Variants in MACROD2 observed in about 807,000 individuals in gnomAD.
The protein encoded by MACROD2 is ADP-ribose glycohydrolase MACROD2.
In MACROD2, 36 loss-of-function variants were observed where a neutral mutation model predicts 70.4. The ratio of observed to expected loss-of-function variants is 0.51; its 90% confidence interval spans 0.39 to 0.68. The LOEUF (loss-of-function observed/expected upper bound fraction) is 0.68. Among genes scored for constraint, MACROD2 ranks in the 30% least tolerant of loss-of-function variants. MACROD2 has a pLI of 0.00. For synonymous variants in MACROD2, 172 were observed against 178.8 expected, an observed-to-expected ratio of 0.96 and a Z score of 0.30; for missense variants, 496 against 538.4, an observed-to-expected ratio of 0.92 and a Z score of 0.78.
intron 5 of MACROD2, among the ~76,000 whole-genome samples, chr20:15,199,964 A>T (rs1164971318): frequency 1.3e-5 from 2 of 152,222 alleles, no homozygotes; most frequent in African/African-American, 4.8e-5. Context: ...AGTTCTGAAG[A>T]TGTCATTCAT....
intron 5 of MACROD2, among the ~76,000 whole-genome samples, chr20:14,906,920 T>A (rs1469734672): frequency 2.0e-5 from 3 of 152,128 alleles, no homozygotes; most frequent in East Asian, 3.9e-4. Flanking sequence ...GACTTTACCA[T>A]TGAAAAGTCC....
chr20:15,234,540 C>T (rs979001260), intron 6 of MACROD2, among the ~76,000 whole-genome samples: 2 of 152,058 alleles, frequency 1.3e-5, no homozygotes, highest in Non-Finnish European at 2.9e-5. Context: ...AAAAAAGACC[C>T]AGGTTGAATC....
intron 5 of MACROD2, among the ~76,000 whole-genome samples, chr20:15,179,421 C>T (rs965287558): frequency 6.6e-6 from 1 of 152,138 alleles, no homozygotes; most frequent in African/African-American, 2.4e-5. Context: ...CACCCTCTCC[C>T]GGAGGAGTGT....
chr20:15,333,795 A>G (rs1489572506), intron 6 of MACROD2, among the ~76,000 whole-genome samples: 1 of 151,634 alleles, frequency 6.6e-6, no homozygotes, highest in Non-Finnish European at 1.5e-5. Context: ...AGTATATTCT[A>G]TTAATTGTGT....
At chr20:15,378,742 C>T (rs751392476) in intron 6 of MACROD2, among the ~76,000 whole-genome samples, 1 of 151,986 alleles carries the variant, frequency 6.6e-6, no homozygotes, top group Non-Finnish European at 1.5e-5. Context: ...ATATGTGAAA[C>T]TTTAGTGCAA....
chr20:15,675,555 A>G (rs6043427), intron 8 of MACROD2, among the ~76,000 whole-genome samples: 1 of 152,168 alleles, frequency 6.6e-6, no homozygotes, highest in African/African-American at 2.4e-5. Context: ...AGCGCTGGCA[A>G]CCCTTTTAAA....
intron 6 of MACROD2, among the ~76,000 whole-genome samples, chr20:15,307,649 T>A (rs967933484): frequency 6.6e-6 from 1 of 152,200 alleles, no homozygotes. Flanking sequence ...TAACTGTAGT[T>A]TAATTATTAA....
At chr20:14,418,440 G>C (rs1268618327) in intron 3 of MACROD2, among the ~76,000 whole-genome samples, 2 of 152,154 alleles carry the variant, frequency 1.3e-5, no homozygotes, top group Non-Finnish European at 2.9e-5. Context: ...ATTTGACAAA[G>C]ATCTTAGAAT....
intron 8 of MACROD2, among the ~76,000 whole-genome samples, chr20:15,834,354 A>G (rs1051499097): frequency 6.6e-6 from 1 of 152,128 alleles, no homozygotes; most frequent in African/African-American, 2.4e-5. Flanking sequence ...AAAACAAAAC[A>G]AAATAAAATA....
At chr20:14,881,413 G>A (rs967666215) in intron 5 of MACROD2, among the ~76,000 whole-genome samples, 4 of 151,782 alleles carry the variant, frequency 2.6e-5, no homozygotes, top group African/African-American at 7.3e-5. Context: ...TACTGACAAG[G>A]CACTTGACTT....
chr20:15,935,421 T>A (rs1203252882), intron 11 of MACROD2, among the ~76,000 whole-genome samples: 1 of 152,198 alleles, frequency 6.6e-6, no homozygotes, highest in Non-Finnish European at 1.5e-5. Context: ...TTTCTTATCC[T>A]CCCTAATCAG....
intron 6 of MACROD2, among the ~76,000 whole-genome samples, chr20:15,380,682 G>A (rs952044354): frequency 2.0e-5 from 3 of 152,102 alleles, no homozygotes; most frequent in East Asian, 1.9e-4. Context: ...TATTGTGCAC[G>A]AAATTAGCCA....
At chr20:14,865,348 C>T (rs117493239) in intron 5 of MACROD2, among the ~76,000 whole-genome samples, 2,634 of 152,140 alleles carry the variant, frequency 0.017, 38 homozygotes, top group Admixed American at 0.022. Flanking sequence ...TTTGTGGTTT[C>T]CTGCCTTTGG....
intron 8 of MACROD2, among the ~76,000 whole-genome samples, chr20:15,656,522 CT>C (rs1243500192): frequency 2.0e-5 from 3 of 152,158 alleles, no homozygotes; most frequent in Non-Finnish European, 4.4e-5. Context: ...TGAGCCCTAT[CT>C]CTGAATATTG....
At chr20:14,034,050 C>T (rs910012455) in intron 2 of MACROD2, among the ~76,000 whole-genome samples, 2 of 152,136 alleles carry the variant, frequency 1.3e-5, no homozygotes, top group Admixed American at 6.5e-5. Context: ...TGGCTCACTG[C>T]AAGCTCCGCC....
At chr20:14,737,127 T>C (rs1002393720) in intron 5 of MACROD2, among the ~76,000 whole-genome samples, 3 of 152,068 alleles carry the variant, frequency 2.0e-5, no homozygotes, top group African/African-American at 7.2e-5. Context: ...CAACAGGCCC[T>C]GGTGTGTGTT....
intron 12 of MACROD2, among the ~76,000 whole-genome samples, chr20:15,951,182 A>G (rs961011805): frequency 8.5e-5 from 13 of 152,078 alleles, no homozygotes; most frequent in Admixed American, 4.6e-4. Context: ...TCAGAAAGGG[A>G]TGTAGCCTAT....
At chr20:14,345,968 C>T (rs1257104678) in intron 3 of MACROD2, among the ~76,000 whole-genome samples, 1 of 151,324 alleles carries the variant, frequency 6.6e-6, no homozygotes, top group African/African-American at 2.4e-5. Flanking sequence ...GTGGTGGGCA[C>T]CTGTAGTCCC....
At chr20:14,731,738 C>G (rs905655110) in intron 5 of MACROD2, among the ~76,000 whole-genome samples, 14 of 151,994 alleles carry the variant, frequency 9.2e-5, no homozygotes, top group African/African-American at 3.4e-4. Flanking sequence ...TGCCTTTTTT[C>G]ACTCTCTTTC....
Sources: gnomAD v4.1 joint callset for allele counts (sites outside exome capture counted in the v4.1 genomes callset) on GRCh38, gnomAD v4.1.1 for gene constraint, MANE v1.5 for transcripts, NCBI Gene and HGNC (gene_info 2026-07-23, HGNC 2026-07-21) for gene names.